The following MXI1 variants were observed in gnomAD, a reference collection of about 807,000 sequenced individuals.
MXI1 encodes MAX interactor 1, dimerization protein.
MXI1 carries 18 observed loss-of-function variants against 36.9 expected under a neutral mutation model. The observed-to-expected ratio is 0.49, with a 90% CI of 0.34 to 0.72. The LOEUF (loss-of-function observed/expected upper bound fraction) is 0.72, where lower values mean the gene tolerates loss of function less well. Ranked by LOEUF, MXI1 falls within the 30% of genes least tolerant of loss-of-function variation. MXI1 has a pLI of 0.01. For missense variants in MXI1, 304 were observed against 379.1 expected, an observed-to-expected ratio of 0.80 and a Z score of 1.64; for synonymous variants, 160 against 146.7, an observed-to-expected ratio of 1.09 and a Z score of -0.65.
chr10:110,213,159 G>T lies in MXI1; in HGVS notation c.274+5077G>T, dbSNP rs549719420. Among the ~76,000 whole-genome samples, 17 of 152,294 alleles carry T rather than the reference G, an allele frequency of 1.1e-4. No homozygotes were observed. The South Asian group carries it at 3.5e-3, about 32-fold the overall frequency. ...GACCAATCCCTGCAAGAAGATGATA[G>T]TTCAGACCTGAAGAGCTGAGACTGC... On this transcript the variant is annotated intron_variant, in intron 1 of 5. Transcript: ENST00000332674.
chr10:110,248,473 A>G (rs1855954516), intron 3 of MXI1, among the ~76,000 whole-genome samples: 1 of 152,206 alleles, frequency 6.6e-6, no homozygotes, highest in Admixed American at 6.5e-5. Flanking sequence ...GTATGCCATT[A>G]TAAGTTGTTT....
chr10:110,245,877 A>T lies in MXI1; in HGVS notation c.437+1020A>T, dbSNP rs538957088. 4 of 152,292 alleles carry T rather than the reference A, an allele frequency of 2.6e-5. No homozygotes were observed. In the South Asian group the frequency reaches 8.3e-4, roughly 32 times the overall value. 9.4% of individuals were successfully genotyped at this position (152,292 alleles called of 1,614,324 possible). On this transcript the variant is annotated intron_variant, in intron 3 of 5. Transcript: ENST00000332674. ...AGACAAAGTAAAGAGTATGGAATGG[A>T]GTCAATAGAAATTGGTGATTAGTTA...
chr10:110,230,204 G>A (rs1455552270), intron 2 of MXI1, among the ~76,000 whole-genome samples: 1 of 152,188 alleles, frequency 6.6e-6, no homozygotes, highest in African/African-American at 2.4e-5. Flanking sequence ...TATCAATTAT[G>A]TTACCGGTCA....
intron 1 of MXI1, among the ~76,000 whole-genome samples, chr10:110,224,884 G>T (rs1272401014): frequency 6.6e-6 from 1 of 152,126 alleles, no homozygotes; most frequent in Non-Finnish European, 1.5e-5. Flanking sequence ...CTGACCTCAG[G>T]TGATCCGCCC....
intron 5 of MXI1, among the ~76,000 whole-genome samples, chr10:110,283,579 G>A (rs1490716012): frequency 6.7e-6 from 1 of 150,078 alleles, no homozygotes; most frequent in African/African-American, 2.5e-5. Context: ...TAAAGCAGTT[G>A]TGATTAGTGT....
intron 3 of MXI1, among the ~76,000 whole-genome samples, chr10:110,274,071 C>T (rs1024222728): frequency 2.0e-5 from 3 of 152,128 alleles, no homozygotes; most frequent in African/African-American, 7.2e-5. Context: ...TAGTAGAGGC[C>T]ATTTTATACC....
At chr10:110,259,901 G>T (rs1286107936) in intron 3 of MXI1, among the ~76,000 whole-genome samples, 1 of 152,012 alleles carries the variant, frequency 6.6e-6, no homozygotes, top group Non-Finnish European at 1.5e-5. Context: ...TCTTTAAGAC[G>T]AATTTGTTTG....
At chr10:110,236,610 A>C (rs902038864) in intron 2 of MXI1, among the ~76,000 whole-genome samples, 2 of 151,682 alleles carry the variant, frequency 1.3e-5, no homozygotes, top group African/African-American at 4.8e-5. Context: ...ACAGGTGTGC[A>C]CTCCCACACT....
At chr10:110,235,839 C>T (rs1855445951) in intron 2 of MXI1, among the ~76,000 whole-genome samples, 1 of 151,436 alleles carries the variant, frequency 6.6e-6, no homozygotes, top group Non-Finnish European at 1.5e-5. Context: ...TGAAGCCCGT[C>T]TCTACTAAAA....
chr10:110,261,315 G>A (rs947546521), intron 3 of MXI1, among the ~76,000 whole-genome samples: 1 of 151,828 alleles, frequency 6.6e-6, no homozygotes, highest in Admixed American at 6.6e-5. Context: ...TGAGAGCTGT[G>A]CTGACTGGGT....
At position 110,216,665 on chromosome 10, in the gene MXI1, G is replaced by GTTTTT. The variant is rs10656872; in HGVS notation, c.274+8599_274+8603dup. On this transcript the variant is annotated intron_variant, in intron 1 of 5. Coordinates refer to ENST00000332674, the MANE Select transcript of MXI1 (RefSeq NM_130439.3). ...CCTGTCTCCCCTATCTGTGTTTAAT[G>GTTTTT]TTTTTTTTTTTTTTTTTTTTGGAGA... 7.8e-3 allele frequency among the ~76,000 whole-genome samples: 614 copies of GTTTTT among 79,022 alleles called. 66 individuals carry two copies. The highest frequency in any genetic ancestry group is 0.011 in the African/African-American group (142 of 12,586). The allele number at this position is 79,022 out of a possible 152,430, so 51.8% of individuals were successfully genotyped here.
chr10:110,274,253 A>C (rs1207145749), intron 3 of MXI1, among the ~76,000 whole-genome samples: 2 of 152,188 alleles, frequency 1.3e-5, no homozygotes, highest in African/African-American at 4.8e-5. Flanking sequence ...GCCCTTTTTG[A>C]AGGTGTGGTT....
rs575761044 is a variant in MXI1 at position 110,267,188 on chromosome 10, T to TA, written c.438-11986dup. On this transcript the variant is annotated intron_variant, in intron 3 of 5. Coordinates refer to ENST00000332674, the MANE Select transcript of MXI1 (RefSeq NM_130439.3). ...AATCCTAAAAGAGGAATTCTCAAAT[T>TA]AAAAAAGGCAGTCTTAATACAATAT... Among the ~76,000 whole-genome samples, 318 of 152,252 alleles carry TA rather than the reference T, an allele frequency of 2.1e-3. 3 individuals are homozygous for TA. Among genetic ancestry groups the TA allele is most frequent in the African/African-American group, 7.0e-3 (292 of 41,564 alleles).
At chr10:110,277,775 T>C (rs886364772) in intron 3 of MXI1, among the ~76,000 whole-genome samples, 1 of 152,240 alleles carries the variant, frequency 6.6e-6, no homozygotes, top group African/African-American at 2.4e-5. Context: ...TAGTAGGTGC[T>C]AGAAGAATCT....
chr10:110,277,329 G>A (rs1007295173), intron 3 of MXI1, among the ~76,000 whole-genome samples: 2 of 152,176 alleles, frequency 1.3e-5, no homozygotes, highest in African/African-American at 4.8e-5. Flanking sequence ...GTAGCTGCCA[G>A]TCTTTGTTTC....
chr10:110,284,757 T>C, intron 5 of MXI1, 67 bp from the exon 6 acceptor site: 1 of 1,392,192 alleles, frequency 7.2e-7, no homozygotes, highest in Non-Finnish European at 9.7e-7. Flanking sequence ...TTCCTCATGC[T>C]GTTAGTTTTT....
chr10:110,208,022 A>C lies in MXI1; in HGVS notation c.214A>C (p.Asn72His). 1 of 1,604,746 alleles carries C rather than the reference A, an allele frequency of 6.2e-7. No homozygotes were observed. Among genetic ancestry groups the C allele is most frequent in the Non-Finnish European group, 8.5e-7 (1 of 1,175,756 alleles). The change falls in exon 1 of 6, where the codon AAC (asparagine) becomes CAC (histidine). Residue 72 changes from asparagine to histidine, a missense_variant. By Grantham distance (68) the Asn-to-His change is moderately conservative (BLOSUM62 1). Transcript: ENST00000332674. Reference sequence around the variant, plus strand: ...GAAGCACATCAACACTTTTCTGCAGAACGTGCAGATTCTGCTCGAGGCCGC... The same window carrying C: ...GAAGCACATCAACACTTTTCTGCAGCACGTGCAGATTCTGCTCGAGGCCGC... The part of the protein sequence containing the change: ...MEKHINTFLQ[N>H]VQILLEAASY...
intron 3 of MXI1, 151 bp downstream of exon 3, chr10:110,245,008 C>A: frequency 2.8e-6 from 2 of 710,638 alleles, no homozygotes; most frequent in Non-Finnish European, 4.4e-6. Context: ...GTATTTTCTC[C>A]AAAAAATGAT....
In MXI1 at chr10:110,279,213, A is replaced by G. The variant is rs1330390779; in HGVS notation, c.471A>G (p.Leu157=). ...ATCTGCGCCTTTGTTTAGAACGCTTAAAAGTTCTGATTCCACTAGGACCAG... is the reference window on the plus strand; with the variant it reads ...ATCTGCGCCTTTGTTTAGAACGCTTGAAAGTTCTGATTCCACTAGGACCAG... ...RAHLRLCLER[L]KVLIPLGPDC... is the part of the protein sequence containing the mutation. Residue 157 remains leucine (L), a synonymous_variant, in exon 4 of 6, where the codon TTA becomes TTG. Transcript: ENST00000332674. 3 of 1,614,106 alleles carry G rather than the reference A, an allele frequency of 1.9e-6. No homozygotes were observed. Among genetic ancestry groups the G allele is most frequent in the Non-Finnish European group, 2.5e-6 (3 of 1,180,050 alleles).
Sources: gnomAD v4.1 joint callset for allele counts (sites outside exome capture counted in the v4.1 genomes callset) on GRCh38, gnomAD v4.1.1 for gene constraint, MANE v1.5 for transcripts, NCBI Gene and HGNC (gene_info 2026-07-23, HGNC 2026-07-21) for gene names.